SLC25A21: variants seen among roughly 807,000 people sequenced by gnomAD.
SLC25A21 encodes the protein solute carrier family 25 member 21.
A neutral mutation model predicts 43.8 loss-of-function variants in SLC25A21; 47 were observed. That is an observed-to-expected ratio of 1.07 (90% CI 0.85 to 1.37). SLC25A21 has a LOEUF of 1.37. Ranked by LOEUF, SLC25A21 falls within the 40% of genes most tolerant of loss-of-function variation. The pLI, the probability that SLC25A21 is intolerant of heterozygous loss-of-function variation, is 0.00. For synonymous variants in SLC25A21, 131 were observed against 121.3 expected, an observed-to-expected ratio of 1.08 and a Z score of -0.52; for missense variants, 352 against 350.2, an observed-to-expected ratio of 1.00 and a Z score of -0.04.
intron 3 of SLC25A21, among the ~76,000 whole-genome samples, chr14:36,769,696 A>G (rs1426292037): frequency 6.6e-6 from 1 of 152,222 alleles, no homozygotes; most frequent in Non-Finnish European, 1.5e-5. Flanking sequence ...TTCTTTTTAA[A>G]ATATGTAGAC....
intron 7 of SLC25A21, among the ~76,000 whole-genome samples, chr14:36,704,234 G>A (rs927992393): frequency 1.3e-5 from 2 of 152,324 alleles, no homozygotes; most frequent in African/African-American, 2.4e-5. Context: ...CGAAAGGGAG[G>A]ATCAGGTTAT....
chr14:36,998,936 C>A (rs1391735738), intron 1 of SLC25A21, among the ~76,000 whole-genome samples: 2 of 152,080 alleles, frequency 1.3e-5, no homozygotes, highest in African/African-American at 4.8e-5. Context: ...AACAGGAATT[C>A]TCACTCACTC....
At chr14:36,943,438 C>A (rs775867811) in intron 1 of SLC25A21, among the ~76,000 whole-genome samples, 7 of 152,164 alleles carry the variant, frequency 4.6e-5, no homozygotes, top group Non-Finnish European at 1.0e-4. Flanking sequence ...GTGATCTGCC[C>A]GCCTTGGCCT....
chr14:37,075,794 G>A (rs1340420110), intron 1 of SLC25A21, among the ~76,000 whole-genome samples: 1 of 152,206 alleles, frequency 6.6e-6, no homozygotes, highest in Non-Finnish European at 1.5e-5. Flanking sequence ...TGTAATAACA[G>A]ACAGATGATG....
chr14:37,134,830 T>C (rs1379612819), intron 1 of SLC25A21, among the ~76,000 whole-genome samples: 3 of 152,066 alleles, frequency 2.0e-5, no homozygotes, highest in African/African-American at 4.8e-5. Flanking sequence ...TGGTGGCTCA[T>C]GCTTGTAATT....
intron 3 of SLC25A21, among the ~76,000 whole-genome samples, chr14:36,738,607 A>G (rs1885135164): frequency 6.6e-6 from 1 of 152,234 alleles, no homozygotes; most frequent in South Asian, 2.1e-4. Flanking sequence ...ACTCTACTCT[A>G]AAGTTTTGAC....
At chr14:37,001,999 A>C (rs1960499977) in intron 1 of SLC25A21, among the ~76,000 whole-genome samples, 1 of 152,174 alleles carries the variant, frequency 6.6e-6, no homozygotes, top group Admixed American at 6.5e-5. Flanking sequence ...AAGTGATATA[A>C]AATATTAAAT....
At chr14:37,054,585 G>T (rs1208016418) in intron 1 of SLC25A21, among the ~76,000 whole-genome samples, 1 of 152,094 alleles carries the variant, frequency 6.6e-6, no homozygotes, top group Non-Finnish European at 1.5e-5. Flanking sequence ...AGTGGTAGTG[G>T]CATATGAAGG....
rs147768065 is a variant in SLC25A21, at chr14:37,079,694, G to A, written c.70+92587C>T. 8.5e-5 allele frequency among the ~76,000 whole-genome samples: 13 copies of A among 152,126 alleles called. No individual in the cohort carries two copies. The East Asian group carries it at 9.7e-4, about 11-fold the overall frequency. On this transcript the variant is annotated intron_variant, in intron 1 of 9. Transcript: ENST00000331299. ...GCCTCCTGCTCAGACCAAAGATTTC[G>A]CTTGCTCTTCCAGTCACACTGAGCA... is the stretch of plus-strand genomic sequence containing the variant.
At chr14:37,024,527 G>A (rs187617838) in intron 1 of SLC25A21, among the ~76,000 whole-genome samples, 18 of 152,068 alleles carry the variant, frequency 1.2e-4, no homozygotes, top group Non-Finnish European at 4.4e-5. Flanking sequence ...TGAAGTCTGC[G>A]TAGTCCTATA....
In SLC25A21 at chr14:37,094,954, T is replaced by G. The variant is rs568892881; in HGVS notation, c.70+77327A>C. 3.9e-5 allele frequency among the ~76,000 whole-genome samples: 6 copies of G among 152,222 alleles called. No homozygotes were observed. In the South Asian group the frequency reaches 1.2e-3, roughly 32 times the overall value. On this transcript the variant is annotated intron_variant, in intron 1 of 9. Coordinates refer to ENST00000331299, the MANE Select transcript of SLC25A21 (RefSeq NM_030631.4). Reference sequence around the variant, plus strand: ...TTTGAAAATTGCTAAGAGATTAAATTTTGGGTATTCTCACCACACACACAA... The same window carrying G: ...TTTGAAAATTGCTAAGAGATTAAATGTTGGGTATTCTCACCACACACACAA...
At chr14:36,740,771 GT>G in intron 3 of SLC25A21, among the ~76,000 whole-genome samples, 1 of 152,104 alleles carries the variant, frequency 6.6e-6, no homozygotes, top group Non-Finnish European at 1.5e-5. Flanking sequence ...AGTCTCTGTG[GT>G]TCATGTAGAG....
intron 1 of SLC25A21, among the ~76,000 whole-genome samples, chr14:36,989,801 T>C (rs1424073089): frequency 6.6e-6 from 1 of 152,082 alleles, no homozygotes; most frequent in Admixed American, 6.5e-5. Context: ...CCTCAGTATT[T>C]TTCTTGGATT....
intron 2 of SLC25A21, among the ~76,000 whole-genome samples, chr14:36,841,724 C>T (rs1229253401): frequency 1.3e-5 from 2 of 152,120 alleles, no homozygotes; most frequent in African/African-American, 4.8e-5. Context: ...TTCCCTATTG[C>T]CTAGCCCATC....
At chr14:36,931,796 A>G (rs1346919258) in intron 1 of SLC25A21, among the ~76,000 whole-genome samples, 1 of 152,172 alleles carries the variant, frequency 6.6e-6, no homozygotes, top group African/African-American at 2.4e-5. Flanking sequence ...GATATAAGGG[A>G]CAGCCAACTA....
At chr14:37,091,326 C>T (rs1455848294) in intron 1 of SLC25A21, among the ~76,000 whole-genome samples, 7 of 151,656 alleles carry the variant, frequency 4.6e-5, no homozygotes, top group Non-Finnish European at 8.8e-5. Flanking sequence ...CCCAGCTACT[C>T]GGGAGGCTGA....
chr14:36,869,977 A>G (rs192665081), intron 2 of SLC25A21, among the ~76,000 whole-genome samples: 13 of 152,340 alleles, frequency 8.5e-5, no homozygotes, highest in Admixed American at 8.5e-4. Flanking sequence ...CTGAAGAAAC[A>G]TTTAGGAAGA....
At chr14:36,988,746 A>G (rs958885939) in intron 1 of SLC25A21, among the ~76,000 whole-genome samples, 3 of 152,198 alleles carry the variant, frequency 2.0e-5, no homozygotes, top group Non-Finnish European at 4.4e-5. Context: ...ATTCTGATTC[A>G]TGGCCACAGT....
rs143783717 is a variant in SLC25A21, at chr14:36,720,455, C to T, written c.438+5115G>A. 4.0e-3 allele frequency among the ~76,000 whole-genome samples: 613 copies of T among 152,362 alleles called. 3 individuals carry two copies. The highest frequency in any genetic ancestry group is 0.017 in the Middle Eastern group (5 of 294). ...CAGCAGACATGCTGCCTGAGAAATT[C>T]TCCCAACTGGCAGGACAAGAGCTAC... On this transcript the variant is annotated intron_variant, in intron 6 of 9. Transcript: ENST00000331299.
Sources: gnomAD v4.1 joint callset for allele counts (sites outside exome capture counted in the v4.1 genomes callset) on GRCh38, gnomAD v4.1.1 for gene constraint, MANE v1.5 for transcripts, NCBI Gene and HGNC (gene_info 2026-07-23, HGNC 2026-07-21) for gene names.